Variants in SFMBT2 observed in about 807,000 individuals in gnomAD.
SFMBT2 encodes the protein scm-like with four MBT domains protein 2.
In SFMBT2, 38 loss-of-function variants were observed where a neutral mutation model predicts 110.1. That is an observed-to-expected ratio of 0.35 (90% confidence interval 0.27 to 0.45). The LOEUF is 0.45. SFMBT2 is among the 20% of genes least tolerant of loss of function. The pLI is 1.00. For missense variants in SFMBT2, 1,011 were observed against 1,094.9 expected (o/e 0.92, Z 1.08); for synonymous variants, 425 against 425.4 (o/e 1.00, Z 0.01).
At chr10:7,382,974 T>G (rs886530311) in intron 1 of SFMBT2, among the ~76,000 whole-genome samples, 4 of 152,210 alleles carry the variant, frequency 2.6e-5, no homozygotes, top group African/African-American at 9.6e-5. Context: ...CTGGCTCCGA[T>G]GCTCAGACAC....
At chr10:7,315,000 AAAG>A (rs1283651251) in intron 4 of SFMBT2, among the ~76,000 whole-genome samples, 1 of 147,052 alleles carries the variant, frequency 6.8e-6, no homozygotes, top group African/African-American at 2.6e-5. Flanking sequence ...GAAAGAAAGA[AAAG>A]AAAGAAAGAA....
chr10:7,188,335 A>G (rs908653570), intron 16 of SFMBT2, among the ~76,000 whole-genome samples: 1 of 152,220 alleles, frequency 6.6e-6, no homozygotes. Context: ...TTTTGCTCAA[A>G]TAACCTATTG....
intron 4 of SFMBT2, among the ~76,000 whole-genome samples, chr10:7,327,796 T>C (rs747121987): frequency 1.3e-5 from 2 of 152,226 alleles, no homozygotes; most frequent in Admixed American, 6.5e-5. Flanking sequence ...GTTGTATCAA[T>C]AGTTCTTTCA....
At chr10:7,183,857 T>C (rs1451560558) in intron 16 of SFMBT2, among the ~76,000 whole-genome samples, 2 of 152,226 alleles carry the variant, frequency 1.3e-5, no homozygotes, top group Non-Finnish European at 2.9e-5. Flanking sequence ...CTGAGTTGGA[T>C]ACAGAATCCC....
chr10:7,324,104 CT>C (rs1374986978), intron 4 of SFMBT2, among the ~76,000 whole-genome samples: 1 of 152,186 alleles, frequency 6.6e-6, no homozygotes, highest in Non-Finnish European at 1.5e-5. Context: ...AATATATTGC[CT>C]ATGCACACAC....
chr10:7,299,949 C>T (rs896584772), intron 4 of SFMBT2, among the ~76,000 whole-genome samples: 4 of 152,234 alleles, frequency 2.6e-5, no homozygotes, highest in African/African-American at 9.6e-5. Context: ...CACATATACA[C>T]CATGCAGCCA....
chr10:7,299,233 A>C (rs948521222), intron 4 of SFMBT2, among the ~76,000 whole-genome samples: 68 of 152,348 alleles, frequency 4.5e-4, no homozygotes, highest in Middle Eastern at 3.4e-3. Flanking sequence ...AAAATTGACA[A>C]ATAGGTTCTA....
intron 4 of SFMBT2, among the ~76,000 whole-genome samples, chr10:7,294,772 G>A (rs1444232744): frequency 1.3e-5 from 2 of 152,090 alleles, no homozygotes; most frequent in African/African-American, 4.8e-5. Flanking sequence ...AGTGCTCTCC[G>A]TCCTTGGGAG....
At chr10:7,380,569 T>C (rs901025090) in intron 2 of SFMBT2, among the ~76,000 whole-genome samples, 3 of 152,210 alleles carry the variant, frequency 2.0e-5, no homozygotes, top group African/African-American at 7.2e-5. Context: ...ACATTTTTTA[T>C]AGGAATTCAC....
chr10:7,220,616 A>G, intron 10 of SFMBT2, 79 bp from the exon 11 acceptor site: 1 of 1,461,964 alleles, frequency 6.8e-7, no homozygotes, highest in Non-Finnish European at 9.6e-7. Flanking sequence ...AAGAGAAAGA[A>G]ATGCACGCAC....
chr10:7,349,472 G>A (rs1480041437), intron 4 of SFMBT2, among the ~76,000 whole-genome samples: 1 of 92,858 alleles, frequency 1.1e-5, no homozygotes, highest in Admixed American at 1.2e-4. Context: ...TTTTTGCGGG[G>A]GGGAGACGGA....
At chr10:7,340,568 G>A (rs1430623301) in intron 4 of SFMBT2, among the ~76,000 whole-genome samples, 1 of 150,028 alleles carries the variant, frequency 6.7e-6, no homozygotes, top group Non-Finnish European at 1.5e-5. Context: ...CAGGAGGATG[G>A]CTTGAGCCCA....
chr10:7,319,696 GAGAGACAGAGATAGACTGAA>G, intron 4 of SFMBT2, among the ~76,000 whole-genome samples: 1 of 151,712 alleles, frequency 6.6e-6, no homozygotes, highest in East Asian at 1.9e-4. Context: ...CTGAGAGACT[GAGAGACAGAGATAGACTGAA>G]AGAGACAGAG....
Position 7,159,890 on chromosome 10 carries a change from C to T in SFMBT2, c.*3880G>A, listed in dbSNP as rs1451579160. 2 of 152,090 alleles carry T rather than the reference C, an allele frequency of 1.3e-5. No individual in the cohort carries two copies. The highest frequency in any genetic ancestry group is 2.9e-5 in the Non-Finnish European group (2 of 68,014). 9.4% of individuals were successfully genotyped at this position (152,090 alleles called of 1,614,324 possible). On this transcript the variant is annotated 3_prime_UTR_variant, in exon 21 of 21. Coordinates refer to ENST00000397167, the MANE Select transcript of SFMBT2 (RefSeq NM_001387889.1). ...GGGGTGTTTGGCATAAGACAGAAGG[C>T]AAATCTCAGAACTTGCCAAATACAA... is the stretch of plus-strand genomic sequence containing the variant.
At chr10:7,188,046 C>T (rs1588780757) in intron 16 of SFMBT2, among the ~76,000 whole-genome samples, 1 of 152,302 alleles carries the variant, frequency 6.6e-6, no homozygotes, top group East Asian at 1.9e-4. Flanking sequence ...CTCTCAATTT[C>T]AGAGGTCAAG....
intron 4 of SFMBT2, among the ~76,000 whole-genome samples, chr10:7,364,564 A>T (rs780319357): frequency 6.6e-6 from 1 of 152,216 alleles, no homozygotes; most frequent in Non-Finnish European, 1.5e-5. Flanking sequence ...CAGATTCAAG[A>T]CCCCAGAACT....
chr10:7,385,171 G>A (rs917453769), intron 1 of SFMBT2, among the ~76,000 whole-genome samples: 4 of 152,204 alleles, frequency 2.6e-5, no homozygotes, highest in Non-Finnish European at 2.9e-5. Context: ...CGTCCACTGA[G>A]AATGTTCAGA....
chr10:7,345,786 C>T (rs1376806599), intron 4 of SFMBT2, among the ~76,000 whole-genome samples: 1 of 152,210 alleles, frequency 6.6e-6, no homozygotes, highest in African/African-American at 2.4e-5. Flanking sequence ...TCCCCAGACC[C>T]ATCAACAGAT....
intron 7 of SFMBT2, chr10:7,264,164 T>C (rs916995386): frequency 8.2e-6 from 2 of 244,104 alleles, no homozygotes; most frequent in African/African-American, 2.3e-5. Flanking sequence ...TTTAGCCTTC[T>C]CTACATGTCC....
Sources: allele counts gnomAD v4.1 joint callset (sites outside exome capture counted in the v4.1 genomes callset), GRCh38; gene constraint gnomAD v4.1.1; transcripts MANE v1.5; gene names NCBI Gene and HGNC (gene_info 2026-07-23, HGNC 2026-07-21).